TTC6: variants seen among roughly 807,000 people sequenced by gnomAD.
TTC6 encodes the protein tetratricopeptide repeat protein 6.
A neutral mutation model predicts 210.4 loss-of-function variants in TTC6; 172 were observed. The observed-to-expected ratio is 0.82, with a 90% CI of 0.72 to 0.93. The LOEUF (loss-of-function observed/expected upper bound fraction) is 0.93, where lower values mean the gene tolerates loss of function less well. Ranked by LOEUF, TTC6 falls within the 40% of genes least tolerant of loss-of-function variation. The pLI is 0.00. For missense variants in TTC6, 2,414 were observed against 2,318.1 expected (o/e 1.04, Z -0.85); for synonymous variants, 804 against 819.6 (o/e 0.98, Z 0.32).
exon 10 of TTC6, chr14:37,738,777 G>A: frequency 1.4e-6 from 2 of 1,466,976 alleles, no homozygotes; most frequent in Non-Finnish European, 9.0e-7. Flanking sequence ...CTTACTAAGC[G>A]AGTAAAATCT....
chr14:37,720,843 T>C (rs1225222589), intron 6 of TTC6, among the ~76,000 whole-genome samples: 1 of 152,062 alleles, frequency 6.6e-6, no homozygotes, highest in Admixed American at 6.6e-5. Flanking sequence ...GGGGTTAGGA[T>C]GAGTATGACT....
intron 5 of TTC6, among the ~76,000 whole-genome samples, chr14:37,706,137 T>A (rs977461358): frequency 6.6e-6 from 1 of 152,130 alleles, no homozygotes; most frequent in African/African-American, 2.4e-5. Context: ...GTGTGAGTGC[T>A]TGGGGGAGGG....
chr14:37,686,683 G>A (rs1218873966), intron 3 of TTC6, among the ~76,000 whole-genome samples: 1 of 152,144 alleles, frequency 6.6e-6, no homozygotes, highest in Non-Finnish European at 1.5e-5. Flanking sequence ...TGGCAGACAA[G>A]AGAAGAGAAT....
intron 6 of TTC6, among the ~76,000 whole-genome samples, chr14:37,723,847 T>A (rs1026139312): frequency 1.3e-5 from 2 of 152,172 alleles, no homozygotes; most frequent in South Asian, 2.1e-4. Context: ...TAAATGATTT[T>A]AAAAAATTCA....
chr14:37,677,559 G>A (rs1346021439), intron 1 of TTC6, among the ~76,000 whole-genome samples: 2 of 151,914 alleles, frequency 1.3e-5, no homozygotes, highest in Admixed American at 6.6e-5. Flanking sequence ...TGTTCTTTGT[G>A]TGTTTCTGCT....
intron 30 of TTC6, 42 bp from the exon 33 acceptor site, chr14:37,842,113 G>T: frequency 7.0e-7 from 1 of 1,432,526 alleles, no homozygotes; most frequent in Non-Finnish European, 9.2e-7. Context: ...ACTATTTTTT[G>T]AGTGCCAACT....
chr14:37,676,981 A>G (rs915411266), intron 1 of TTC6, among the ~76,000 whole-genome samples: 3 of 152,056 alleles, frequency 2.0e-5, no homozygotes, highest in Non-Finnish European at 4.4e-5. Flanking sequence ...TAAATTTTGA[A>G]ATAGGGAAGT....
At chr14:37,757,497 T>C (rs955726317) in intron 14 of TTC6, among the ~76,000 whole-genome samples, 4 of 152,038 alleles carry the variant, frequency 2.6e-5, no homozygotes, top group Non-Finnish European at 5.9e-5. Context: ...ATGATCTCGA[T>C]CTCCTGACCT....
At chr14:37,790,038 TA>T (rs895050657) in intron 15 of TTC6, among the ~76,000 whole-genome samples, 1 of 152,098 alleles carries the variant, frequency 6.6e-6, no homozygotes, top group African/African-American at 2.4e-5. Context: ...AGATGACCTC[TA>T]GACAGGTTAC....
intron 14 of TTC6, among the ~76,000 whole-genome samples, chr14:37,772,728 C>G (rs950183950): frequency 1.3e-5 from 2 of 152,150 alleles, no homozygotes; most frequent in Non-Finnish European, 1.5e-5. Flanking sequence ...GAGATGAACC[C>G]GGTACCTCAG....
chr14:37,672,728 A>G (rs756450066), intron 1 of TTC6, among the ~76,000 whole-genome samples: 3 of 152,054 alleles, frequency 2.0e-5, no homozygotes, highest in East Asian at 3.9e-4. Flanking sequence ...TTGCCCAACC[A>G]TAGGCATTAT....
chr14:37,608,694 T>G (rs1365992788), intron 2 of TTC6, among the ~76,000 whole-genome samples: 1 of 152,248 alleles, frequency 6.6e-6, no homozygotes, highest in Non-Finnish European at 1.5e-5. Context: ...TTTAATATTT[T>G]ATTTCCCAAG....
At chr14:37,694,305 A>G (rs924046175) in intron 3 of TTC6, among the ~76,000 whole-genome samples, 1 of 152,234 alleles carries the variant, frequency 6.6e-6, no homozygotes, top group African/African-American at 2.4e-5. Context: ...AGATTTGAAT[A>G]TACATTTCTC....
intron 3 of TTC6, among the ~76,000 whole-genome samples, chr14:37,690,898 A>T (rs946056939): frequency 2.0e-5 from 3 of 152,228 alleles, no homozygotes; most frequent in African/African-American, 7.2e-5. Flanking sequence ...AGAACATTTC[A>T]TCCAATGGTT....
At chr14:37,664,235 C>A (rs895425094) in intron 1 of TTC6, among the ~76,000 whole-genome samples, 6 of 150,582 alleles carry the variant, frequency 4.0e-5, no homozygotes, top group Non-Finnish European at 7.5e-5. Flanking sequence ...AGGCATCACA[C>A]TGCCCAATTT....
Position 37,729,230 on chromosome 14 carries a change from A to ACATAT in TTC6, c.1818+4229_1818+4233dup, listed in dbSNP as rs569335272. Among the ~76,000 whole-genome samples, 820 of 152,334 alleles carry ACATAT rather than the reference A, an allele frequency of 5.4e-3. 3 individuals are homozygous for ACATAT. The highest frequency in any genetic ancestry group is 7.9e-3 in the Non-Finnish European group (536 of 68,028). On this transcript the variant is annotated intron_variant, in intron 7 of 30. Coordinates refer to ENST00000553443, the Ensembl canonical transcript of TTC6. ...TTTTCATTTACTTAAGAAAATACTT[A>ACATAT]CATATTGTTTTTGAAAAATATGTCA...
rs183422575 is a variant in TTC6, at chr14:37,657,515, G to A, written c.940-22636G>A. Among the ~76,000 whole-genome samples the A allele has an allele frequency of 1.2e-3, 187 of 152,126 alleles. 1 individual carries two copies. Among genetic ancestry groups the A allele is most frequent in the African/African-American group, 4.4e-3 (181 of 41,512 alleles). Reference sequence around the variant, plus strand: ...AGCCAAGAAAGGGCCTGGTGTCTCTGGGGGACTGAATATCCTAATGTGAAT... The same window carrying A: ...AGCCAAGAAAGGGCCTGGTGTCTCTAGGGGACTGAATATCCTAATGTGAAT... On this transcript the variant is annotated intron_variant, in intron 1 of 30. Transcript: ENST00000553443.
At chr14:37,606,835 A>T (rs1312456049) in intron 2 of TTC6, 93 bp downstream of exon 2, 14 of 949,256 alleles carry the variant, frequency 1.5e-5, no homozygotes, top group Non-Finnish European at 1.8e-5. Flanking sequence ...GAGTACAGCC[A>T]TGAAGGCTCC....
rs560870327 is a variant in TTC6 at position 37,661,563 on chromosome 14, G to A, written c.940-18588G>A. ...TTTGTACCAGTACCATGCTGTTTTG[G>A]TTATTGCAGCCTTATAGTATAGTTT... On this transcript the variant is annotated intron_variant, in intron 1 of 30. Transcript: ENST00000553443. 5.3e-5 allele frequency among the ~76,000 whole-genome samples: 8 copies of A among 152,212 alleles called. No homozygotes were observed. The South Asian group carries it at 1.7e-3, about 32-fold the overall frequency.
Sources: gnomAD v4.1 joint callset for allele counts (sites outside exome capture counted in the v4.1 genomes callset) on GRCh38, gnomAD v4.1.1 for gene constraint, MANE v1.5 for transcripts, NCBI Gene and HGNC (gene_info 2026-07-23, HGNC 2026-07-21) for gene names.